Variants in RNF32 observed in about 807,000 individuals in gnomAD.
RNF32 encodes ring finger protein 32.
RNF32 carries 36 observed loss-of-function variants against 41.0 expected under a neutral mutation model. That is an observed-to-expected ratio of 0.88 (90% CI 0.67 to 1.16). The LOEUF is 1.16. Ranked by LOEUF, RNF32 falls within the 50% of genes most tolerant of loss-of-function variation. The probability of loss-of-function intolerance (pLI) is 0.00; values close to 1 mark genes in which losing one functional copy is unlikely to be tolerated. For missense variants in RNF32, 413 were observed against 436.7 expected, an observed-to-expected ratio of 0.95 and a Z score of 0.48; for synonymous variants, 154 against 160.9, an observed-to-expected ratio of 0.96 and a Z score of 0.32.
At chr7:156,642,460 C>G (rs1383440528) in intron 1 of RNF32, among the ~76,000 whole-genome samples, 1 of 152,222 alleles carries the variant, frequency 6.6e-6, no homozygotes, top group Non-Finnish European at 1.5e-5. Context: ...AGCACCTCCC[C>G]CTACCATGCA....
At chr7:156,643,920 C>T (rs758453398) in intron 2 of RNF32, 28 bp downstream of exon 2, 5 of 1,572,184 alleles carry the variant, frequency 3.2e-6, no homozygotes, top group African/African-American at 2.7e-5. Flanking sequence ...TAAACATACA[C>T]GTTATTTGAC....
rs756406701 is a variant in RNF32 at position 156,675,804 on chromosome 7, T to C, written c.793T>C (p.Leu265=). 1.1e-5 allele frequency: 18 copies of C among 1,614,008 alleles called. No individual in the cohort carries two copies. Among genetic ancestry groups the C allele is most frequent in the Middle Eastern group, 1.6e-4 (1 of 6,062 alleles). The change falls in exon 8 of 9, where the codon TTG becomes CTG. Residue 265 remains leucine (L), a synonymous_variant. Transcript: ENST00000317955. The part of the protein sequence containing the change: ...LAINRSVLQQ[L]EEKCGHEITE... The stretch of plus-strand genomic sequence containing the variant: ...CATAAATCGAAGTGTTCTTCAGCAG[T>C]TGGAAGAAAAATGTGGCCATGAGAT...
At chr7:156,647,222 C>T (rs1798081657) in intron 3 of RNF32, among the ~76,000 whole-genome samples, 1 of 151,898 alleles carries the variant, frequency 6.6e-6, no homozygotes, top group African/African-American at 2.4e-5. Context: ...ATTTCAATAG[C>T]TTTTGTGGTA....
At chr7:156,671,456 G>C (rs1802489513) in intron 7 of RNF32, among the ~76,000 whole-genome samples, 1 of 152,220 alleles carries the variant, frequency 6.6e-6, no homozygotes, top group African/African-American at 2.4e-5. Flanking sequence ...AGAGATAATG[G>C]TGTAGAACAC....
intron 1 of RNF32, chr7:156,643,224 T>C (rs1797588650): frequency 6.6e-6 from 1 of 152,428 alleles, no homozygotes. Flanking sequence ...GTCCAGTATC[T>C]TGCGCAGCAA....
intron 3 of RNF32, among the ~76,000 whole-genome samples, chr7:156,653,878 TG>T (rs1365968058): frequency 6.6e-6 from 1 of 152,122 alleles, no homozygotes; most frequent in Non-Finnish European, 1.5e-5. Flanking sequence ...CAAGGTGAGC[TG>T]GGAGAGGCAG....
At chr7:156,665,624 A>G (rs143588778) in intron 7 of RNF32, among the ~76,000 whole-genome samples, 157 of 152,316 alleles carry the variant, frequency 1.0e-3, no homozygotes, top group African/African-American at 3.5e-3. Flanking sequence ...GGAGAAATCA[A>G]TCACATGACG....
At chr7:156,651,828 A>G (rs1281345044) in intron 3 of RNF32, among the ~76,000 whole-genome samples, 1 of 152,216 alleles carries the variant, frequency 6.6e-6, no homozygotes, top group East Asian at 1.9e-4. Context: ...TCCTCCAGAA[A>G]TACATTATCT....
intron 7 of RNF32, among the ~76,000 whole-genome samples, chr7:156,671,371 A>G (rs1802471370): frequency 2.6e-5 from 4 of 152,226 alleles, no homozygotes; most frequent in African/African-American, 9.6e-5. Flanking sequence ...ACTATAATAT[A>G]CACATAAGCT....
intron 3 of RNF32, among the ~76,000 whole-genome samples, chr7:156,651,050 CTTGA>C (rs954866329): frequency 2.0e-5 from 3 of 152,138 alleles, no homozygotes; most frequent in Admixed American, 2.0e-4. Context: ...CTTGTAGCTG[CTTGA>C]TTCTTATCAG....
rs1255030632 is a variant in RNF32 at position 156,644,731 on chromosome 7, A to G, written c.248A>G (p.Asp83Gly). The G allele has an allele frequency of 6.2e-7, 1 of 1,609,286 alleles. No individual in the cohort carries two copies. The highest frequency in any genetic ancestry group is 8.5e-7 in the Non-Finnish European group (1 of 1,179,154). ...LEDSEKEYVL[D>G]PKPPPLTLAQ... is the part of the protein sequence containing the mutation. ...GACTCAGAAAAAGAATATGTTCTTG[A>G]TCCCAAACCGCCGCCGTTGACTTTG... The change falls in exon 3 of 9, where the codon GAT becomes GGT. Residue 83 changes from aspartate to glycine, a missense_variant. Coordinates refer to ENST00000317955, the MANE Select transcript of RNF32 (RefSeq NM_030936.4).
At chr7:156,659,229 T>C in intron 7 of RNF32, 1 of 1,098,834 alleles carries the variant, frequency 9.1e-7, no homozygotes, top group Non-Finnish European at 1.1e-6. Context: ...CCTGGCAGTG[T>C]TGGCCTGAGA....
intron 4 of RNF32, among the ~76,000 whole-genome samples, chr7:156,656,768 C>A (rs1184359419): frequency 6.6e-6 from 1 of 152,242 alleles, no homozygotes; most frequent in African/African-American, 2.4e-5. Context: ...CCTGACCCCA[C>A]CGCTTTGCTC....
At chr7:156,668,327 C>A (rs1010322234) in intron 7 of RNF32, among the ~76,000 whole-genome samples, 7 of 152,188 alleles carry the variant, frequency 4.6e-5, no homozygotes, top group African/African-American at 1.7e-4. Context: ...ACAGAAAAAT[C>A]TAACAGTGAT....
intron 6 of RNF32, 76 bp downstream of exon 6, chr7:156,658,328 G>A: frequency 1.3e-6 from 2 of 1,587,220 alleles, no homozygotes; most frequent in South Asian, 2.3e-5. Context: ...TTTGAATAGT[G>A]GGATTTTATC....
Position 156,654,656 on chromosome 7 carries a change from C to T in RNF32, c.355C>T (p.Leu119=), listed in dbSNP as rs541447710. Residue 119 remains leucine, a synonymous_variant, in exon 4 of 9, where the codon CTG becomes TTG. Coordinates refer to ENST00000317955, the MANE Select transcript of RNF32 (RefSeq NM_030936.4). ...EWEKVKQRSL[L]QGDSVQPCPI... ...GGAGAAGGTGAAACAGCGCTCTCTC[C>T]TGCAAGGGGACTCCGTGCAACCATG... The T allele has an allele frequency of 1.3e-5, 21 of 1,614,154 alleles. 1 individual carries two copies. Among genetic ancestry groups the T allele is most frequent in the African/African-American group, 5.3e-5 (4 of 75,040 alleles).
rs575951875 is a variant in RNF32 at position 156,641,614 on chromosome 7, A to T, written c.-78+803A>T. 3.3e-5 allele frequency among the ~76,000 whole-genome samples: 5 copies of T among 152,328 alleles called. No individual in the cohort carries two copies. In the South Asian group the frequency reaches 1.0e-3, roughly 32 times the overall value. ...AACTTAATGATACCGTAGGACTTTA[A>T]GAGAGTATAGGTTTTAAAAGCTCTT... On this transcript the variant is annotated intron_variant, in intron 1 of 8. Transcript: ENST00000317955.
chr7:156,641,488 A>G (rs1563062222), intron 1 of RNF32, among the ~76,000 whole-genome samples: 1 of 152,226 alleles, frequency 6.6e-6, no homozygotes, highest in Non-Finnish European at 1.5e-5. Context: ...TTATATATTG[A>G]AGGACTCACC....
In RNF32 at chr7:156,676,657, T is replaced by A; in HGVS notation, c.*2T>A. The A allele has an allele frequency of 1.2e-6, 2 of 1,610,430 alleles. No homozygotes were observed. The highest frequency in any genetic ancestry group is 1.7e-6 in the Non-Finnish European group (2 of 1,176,906). ...CAGAAGAAGATTCTTGAATGTTGAA[T>A]TCATAGTCAAGGAAAGTTAGGTAAT... On this transcript the variant is annotated 3_prime_UTR_variant, in exon 9 of 9. Coordinates refer to ENST00000317955, the MANE Select transcript of RNF32 (RefSeq NM_030936.4).
Sources: allele counts gnomAD v4.1 joint callset (sites outside exome capture counted in the v4.1 genomes callset), GRCh38; gene constraint gnomAD v4.1.1; transcripts MANE v1.5; gene names NCBI Gene and HGNC (gene_info 2026-07-23, HGNC 2026-07-21).